The following CCR3 variants were observed in gnomAD, a reference collection of about 807,000 sequenced individuals.
CCR3 encodes the protein C-C chemokine receptor type 3.
For missense variants in CCR3, 419 were observed against 437.5 expected (o/e 0.96, Z 0.38); for synonymous variants, 203 against 179.2 (o/e 1.13, Z -1.06).
rs56773457 is a variant in CCR3, at chr3:46,243,002, T to TATAC, written c.-12+465_-12+466insTACA. ...ATACACATATATATATATATATATA[T>TATAC]ACGCACACACACATACATTTTTATA... On this transcript the variant is annotated intron_variant, in intron 1 of 1. Transcript: ENST00000395940. 5.4e-3 allele frequency among the ~76,000 whole-genome samples: 664 copies of TATAC among 123,472 alleles called. 13 individuals are homozygous for TATAC. The highest frequency in any genetic ancestry group is 0.024 in the East Asian group (90 of 3,816). 81.0% of individuals were successfully genotyped at this position (123,472 alleles called of 152,430 possible).
intron 2 of CCR3, among the ~76,000 whole-genome samples, chr3:46,232,188 A>C (rs1238135226): frequency 6.6e-6 from 1 of 152,248 alleles, no homozygotes; most frequent in Non-Finnish European, 1.5e-5. Flanking sequence ...AAACACACAG[A>C]ATGGTTAGAG....
At chr3:46,215,368 A>G (rs1463921647) in intron 2 of CCR3, among the ~76,000 whole-genome samples, 2 of 152,212 alleles carry the variant, frequency 1.3e-5, no homozygotes, top group African/African-American at 2.4e-5. Context: ...CTTGGTGGAA[A>G]TGAAGGTTCT....
rs1208521004 is a variant in CCR3, at chr3:46,266,151, T to G, written c.993T>G (p.Leu331=). The change falls in exon 2 of 2, where the codon CTT becomes CTG. Residue 331 remains leucine, a synonymous_variant. Transcript: ENST00000395940. ...LMHLGRYIPF[L]PSEKLERTSS... ...ACCTGGGCAGATACATCCCATTCCT[T>G]CCTAGTGAGAAGCTGGAAAGAACCA... 2 of 1,614,034 alleles carry G rather than the reference T, an allele frequency of 1.2e-6. No individual in the cohort carries two copies. The highest frequency in any genetic ancestry group is 2.2e-5 in the South Asian group (2 of 91,082).
intron 1 of CCR3, chr3:46,263,547 C>G (rs1250485352): frequency 1.3e-5 from 2 of 153,326 alleles, no homozygotes; most frequent in Admixed American, 1.3e-4. Flanking sequence ...AAGAGATCAA[C>G]AAGTTCCACC....
rs202200691 is a variant in CCR3 at position 46,266,083 on chromosome 3, C to A, written c.925C>A (p.Arg309=). The A allele has an allele frequency of 3.2e-5, 51 of 1,613,826 alleles. No homozygotes were observed. Among genetic ancestry groups the A allele is most frequent in the Middle Eastern group, 1.6e-4 (1 of 6,084 alleles). The change falls in exon 2 of 2, where the codon CGG becomes AGG. Residue 309 remains arginine (R), a synonymous_variant. Transcript: ENST00000395940. ...CTACGCCTTTGTTGGAGAGAGGTTCCGGAAGTACCTGCGCCACTTCTTCCA... is the reference window on the plus strand; with the variant it reads ...CTACGCCTTTGTTGGAGAGAGGTTCAGGAAGTACCTGCGCCACTTCTTCCA... ...VIYAFVGERF[R]KYLRHFFHRH... is the part of the protein sequence containing the mutation.
chr3:46,254,799 C>A (rs1289602051), intron 1 of CCR3, among the ~76,000 whole-genome samples: 1 of 152,156 alleles, frequency 6.6e-6, no homozygotes, highest in African/African-American at 2.4e-5. Context: ...ATCTAGGTTG[C>A]TGCAAATGCC....
upstream of CCR3, among the ~76,000 whole-genome samples, chr3:46,239,855 T>G (rs1298800733): frequency 6.6e-6 from 1 of 152,160 alleles, no homozygotes; most frequent in Non-Finnish European, 1.5e-5. Context: ...CCCAGAAAAT[T>G]TATGTGGAAT....
chr3:46,260,186 C>A (rs1253705662), intron 1 of CCR3, among the ~76,000 whole-genome samples: 1 of 152,194 alleles, frequency 6.6e-6, no homozygotes, highest in Admixed American at 6.5e-5. Flanking sequence ...TCCCACGACA[C>A]ATGGGGATTG....
At chr3:46,258,993 AAT>A (rs1700476603) in intron 1 of CCR3, among the ~76,000 whole-genome samples, 1 of 152,224 alleles carries the variant, frequency 6.6e-6, no homozygotes, top group Non-Finnish European at 1.5e-5. Flanking sequence ...CATTTTAAAA[AAT>A]ATGGCTGTTT....
chr3:46,222,604 G>T (rs748743659), intron 2 of CCR3, among the ~76,000 whole-genome samples: 2 of 152,024 alleles, frequency 1.3e-5, no homozygotes, highest in Non-Finnish European at 2.9e-5. Context: ...GGCATGCTGC[G>T]CTCCTCACCT....
chr3:46,252,135 T>G (rs1358255058), intron 1 of CCR3, among the ~76,000 whole-genome samples: 1 of 151,738 alleles, frequency 6.6e-6, no homozygotes, highest in East Asian at 1.9e-4. Context: ...TAGCCACATT[T>G]CAAGTGCTCA....
intron 2 of CCR3, among the ~76,000 whole-genome samples, chr3:46,225,731 A>C (rs757692757): frequency 6.6e-6 from 1 of 152,186 alleles, no homozygotes; most frequent in Non-Finnish European, 1.5e-5. Context: ...ATGTCTGTGC[A>C]TATCTTTGAC....
chr3:46,231,100 T>A (rs1243704373), intron 2 of CCR3, among the ~76,000 whole-genome samples: 1 of 152,132 alleles, frequency 6.6e-6, no homozygotes, highest in African/African-American at 2.4e-5. Context: ...AATTTTTGTA[T>A]TTTTAGTAGA....
intron 2 of CCR3, among the ~76,000 whole-genome samples, chr3:46,235,649 A>G (rs866982566): frequency 6.6e-5 from 10 of 152,232 alleles, no homozygotes; most frequent in African/African-American, 1.9e-4. Context: ...ACTTCATCTT[A>G]CATTTCAAAA....
intron 1 of CCR3, among the ~76,000 whole-genome samples, chr3:46,259,726 A>G (rs1190393476): frequency 1.3e-5 from 2 of 152,214 alleles, no homozygotes; most frequent in Non-Finnish European, 2.9e-5. Flanking sequence ...AAGGTAAAAA[A>G]AGACTGTATG....
intron 1 of CCR3, among the ~76,000 whole-genome samples, chr3:46,251,043 G>C (rs1285996644): frequency 2.0e-5 from 3 of 151,998 alleles, no homozygotes; most frequent in Admixed American, 6.6e-5. Context: ...AAGAGTGAAG[G>C]AGAAGGGGTT....
At chr3:46,216,082 C>A (rs1011594854) in intron 2 of CCR3, among the ~76,000 whole-genome samples, 3 of 152,160 alleles carry the variant, frequency 2.0e-5, no homozygotes, top group Admixed American at 6.5e-5. Context: ...GACTGTTTGG[C>A]AATAGCTATC....
At chr3:46,255,291 A>G (rs570049092) in intron 1 of CCR3, among the ~76,000 whole-genome samples, 38 of 152,236 alleles carry the variant, frequency 2.5e-4, no homozygotes, top group African/African-American at 7.9e-4. Flanking sequence ...GATTCTGGAT[A>G]TTAGACCTTT....
At chr3:46,236,045 A>T (rs1700020787) in intron 2 of CCR3, among the ~76,000 whole-genome samples, 1 of 152,084 alleles carries the variant, frequency 6.6e-6, no homozygotes, top group Non-Finnish European at 1.5e-5. Flanking sequence ...AATCTATAAT[A>T]TTTATATATT....
Sources: allele counts gnomAD v4.1 joint callset (sites outside exome capture counted in the v4.1 genomes callset), GRCh38; gene constraint gnomAD v4.1.1; transcripts MANE v1.5; gene names NCBI Gene and HGNC (gene_info 2026-07-23, HGNC 2026-07-21).